Variants in BDP1 observed in about 807,000 individuals in gnomAD.
BDP1 encodes transcription factor TFIIIB component B'' homolog.
BDP1 carries 169 observed loss-of-function variants against 266.6 expected under a neutral mutation model. The observed-to-expected ratio is 0.63, with a 90% CI of 0.56 to 0.72. The LOEUF is 0.72. Ranked by LOEUF, BDP1 falls within the 30% of genes least tolerant of loss-of-function variation. BDP1 has a pLI of 0.00. For missense variants in BDP1, 3,015 were observed against 3,053.8 expected (o/e 0.99, Z 0.30); for synonymous variants, 1,090 against 1,022.4 (o/e 1.07, Z -1.26).
chr5:71,572,267 T>G (rs1744290353), downstream of BDP1, among the ~76,000 whole-genome samples: 1 of 152,156 alleles, frequency 6.6e-6, no homozygotes, highest in South Asian at 2.1e-4. Flanking sequence ...CCAAACATAT[T>G]CTTTTGTCTC....
chr5:71,472,888 CTTTTTTTTTTT>C lies in BDP1; in HGVS notation c.1014+2412_1014+2422del, dbSNP rs57109617. Among the ~76,000 whole-genome samples, 5 of 53,940 alleles carry C rather than the reference CTTTTTTTTTTT, an allele frequency of 9.3e-5. No homozygotes were observed. The East Asian group carries it at 2.5e-3, about 27-fold the overall frequency. The allele number at this position is 53,940 out of a possible 152,430, so 35.4% of individuals were successfully genotyped here. A position where few individuals can be genotyped will look rare whatever the true frequency, so the allele number is the denominator to read the frequency against. On this transcript the variant is annotated intron_variant, in intron 7 of 38. Coordinates refer to ENST00000358731, the MANE Select transcript of BDP1 (RefSeq NM_018429.3). ...GATAATTTGTATTTTCTCTCTCTCT[CTTTTTTTTTTT>C]TTTTTTTTTTTTGGAGACAGGGTCT...
rs1036891302 is a variant in BDP1, at chr5:71,461,865, G to A, written c.538G>A (p.Asp180Asn). Residue 180 changes from aspartate (D) to asparagine (N), a missense_variant, in exon 3 of 39, where the codon GAT becomes AAT. Physicochemically the swap from Asp to Asn is conservative, Grantham distance 23. Transcript: ENST00000358731. ...YAINESQRPP[D>N]RSKMTMRDFI... ...TATAAATGAAAGTCAGAGGCCACCA[G>A]ATCGTTCAAAAATGACTATGAGAGA... 2.5e-6 allele frequency: 4 copies of A among 1,607,192 alleles called. No individual in the cohort carries two copies. In the African/African-American group the frequency reaches 5.4e-5, roughly 22 times the overall value.
chr5:71,537,288 A>G (rs918145858), intron 26 of BDP1, among the ~76,000 whole-genome samples: 1 of 152,166 alleles, frequency 6.6e-6, no homozygotes, highest in Non-Finnish European at 1.5e-5. Context: ...GATACCCAAG[A>G]CAGTCAAAGC....
At position 71,502,689 on chromosome 5, in the gene BDP1, A is replaced by G; in HGVS notation, c.2139A>G (p.Pro713=). 1.2e-6 allele frequency: 2 copies of G among 1,614,122 alleles called. No homozygotes were observed. Among genetic ancestry groups the G allele is most frequent in the Admixed American group, 1.7e-5 (1 of 60,010 alleles). ...GGGGCCGATTGCAAAAGCCAAAGCC[A>G]AATGCAGGTAAAGCTGCTGAAAGAA... is the stretch of plus-strand genomic sequence containing the variant. ...QVRGRLQKPK[P]NAGKAAERKE... The change falls in exon 15 of 39, where the codon CCA becomes CCG. Residue 713 remains proline, a synonymous_variant. Transcript: ENST00000358731.
intron 25 of BDP1, among the ~76,000 whole-genome samples, chr5:71,531,629 C>T (rs758932595): frequency 1.6e-4 from 24 of 152,306 alleles, no homozygotes; most frequent in Non-Finnish European, 2.6e-4. Flanking sequence ...CTGCCTCAGC[C>T]TCCCCAGTAG....
At chr5:71,522,623 A>G in intron 23 of BDP1, 133 bp downstream of exon 23, 1 of 1,168,552 alleles carries the variant, frequency 8.6e-7, no homozygotes, top group South Asian at 1.6e-5. Context: ...GTGACTTTCT[A>G]GTGTTGTAAA....
chr5:71,458,905 A>G, intron 2 of BDP1, 50 bp downstream of exon 2: 1 of 1,537,914 alleles, frequency 6.5e-7, no homozygotes, highest in African/African-American at 1.4e-5. Context: ...TTATGTTAGT[A>G]AGGAATCATT....
chr5:71,543,399 C>T (rs994777447), intron 30 of BDP1, among the ~76,000 whole-genome samples: 11 of 152,158 alleles, frequency 7.2e-5, no homozygotes, highest in Non-Finnish European at 8.8e-5. Flanking sequence ...AGTTTTGAGA[C>T]CAGCTTGGGC....
chr5:71,578,216 T>C, the BDP1 span, among the ~76,000 whole-genome samples: 83 of 152,288 alleles, frequency 5.5e-4, 1 homozygote, highest in African/African-American at 1.6e-3. Flanking sequence ...CTAATAAATA[T>C]GGAGGGCTGT....
rs759125992 is a variant in BDP1 at position 71,524,328 on chromosome 5, G to A, written c.5772+5G>A. 7.0e-6 allele frequency: 11 copies of A among 1,565,100 alleles called. No individual in the cohort carries two copies. Among genetic ancestry groups the A allele is most frequent in the East Asian group, 4.5e-5 (2 of 44,060 alleles). ...ATTGAGGAAACAATGGAAGAGGTTC[G>A]GTTTTTTTTTAAAACCTTGGTACTT... On this transcript the variant is annotated splice_donor_5th_base_variant and intron_variant, in intron 25 of 38. Coordinates refer to ENST00000358731, the MANE Select transcript of BDP1 (RefSeq NM_018429.3).
At chr5:71,493,891 T>A (rs1393220228) in intron 11 of BDP1, among the ~76,000 whole-genome samples, 1 of 152,222 alleles carries the variant, frequency 6.6e-6, no homozygotes, top group Admixed American at 6.5e-5. Context: ...TTGAAAAACA[T>A]AATATTTGAT....
In BDP1 at chr5:71,565,635, A is replaced by G. The variant is rs1743983526; in HGVS notation, c.*750A>G. 6.5e-6 allele frequency: 1 copy of G among 152,914 alleles called. No individual in the cohort carries two copies. The highest frequency in any genetic ancestry group is 1.5e-5 in the Non-Finnish European group (1 of 68,558). 9.5% of individuals were successfully genotyped at this position (152,914 alleles called of 1,614,324 possible). On this transcript the variant is annotated 3_prime_UTR_variant, in exon 39 of 39. Transcript: ENST00000358731. ...TGTACGGTGTGTAGCAGCCTGTACCATCTCAGTGTTTGTAAGTACACTCTG... is the reference window on the plus strand; with the variant it reads ...TGTACGGTGTGTAGCAGCCTGTACCGTCTCAGTGTTTGTAAGTACACTCTG...
intron 21 of BDP1, 82 bp from the exon 22 acceptor site, chr5:71,517,240 C>A: frequency 8.5e-7 from 1 of 1,179,590 alleles, no homozygotes; most frequent in South Asian, 1.5e-5. Flanking sequence ...TTTTAAAAAA[C>A]TAAATATCTT....
chr5:71,462,253 G>A (rs1333820848), intron 3 of BDP1, among the ~76,000 whole-genome samples: 1 of 152,098 alleles, frequency 6.6e-6, no homozygotes, highest in African/African-American at 2.4e-5. Flanking sequence ...GTGAGCCACT[G>A]CACCTGGCCT....
In BDP1 at chr5:71,544,383, A is replaced by C; in HGVS notation, c.6439A>C (p.Thr2147Pro). The C allele has an allele frequency of 6.2e-7, 1 of 1,609,690 alleles. No homozygotes were observed. Among genetic ancestry groups the C allele is most frequent in the Non-Finnish European group, 8.5e-7 (1 of 1,179,026 alleles). The change falls in exon 31 of 39, where the codon ACA (threonine) becomes CCA (proline). Residue 2147 changes from threonine (T) to proline (P), a missense_variant. By Grantham distance (38) the Thr-to-Pro change is conservative. Around this residue, in one of 3 missense-constraint regions of BDP1, gnomAD observed 629 missense variants for 632.5 expected, o/e 0.99. Coordinates refer to ENST00000358731, the MANE Select transcript of BDP1 (RefSeq NM_018429.3). Reference sequence around the variant, plus strand: ...AACAGAGAAAAATGCTTCCAAAGCAACAGAATTGGAAAATAAAAACCTCGG... The same window carrying C: ...AACAGAGAAAAATGCTTCCAAAGCACCAGAATTGGAAAATAAAAACCTCGG... Reference protein sequence around the residue: ...RETEKNASKATELENKNLGPV... With the variant: ...RETEKNASKAPELENKNLGPV...
intron 36 of BDP1, among the ~76,000 whole-genome samples, chr5:71,559,469 G>GT (rs1561792067): frequency 6.6e-6 from 1 of 152,130 alleles, no homozygotes; most frequent in Non-Finnish European, 1.5e-5. Context: ...GGGAAAACAG[G>GT]TTTTTTATTG....
intron 25 of BDP1, among the ~76,000 whole-genome samples, chr5:71,525,458 C>A (rs1337755463): frequency 7.2e-6 from 1 of 139,516 alleles, no homozygotes; most frequent in African/African-American, 2.7e-5. Context: ...CCCCCACCTC[C>A]CTCCCGGACG....
intron 7 of BDP1, among the ~76,000 whole-genome samples, chr5:71,479,658 T>C (rs1762817212): frequency 6.6e-6 from 1 of 151,848 alleles, no homozygotes; most frequent in South Asian, 2.1e-4. Flanking sequence ...GCCATTCTCC[T>C]GCCTCAGCCT....
intron 6 of BDP1, 48 bp from the exon 7 acceptor site, chr5:71,470,347 T>C: frequency 7.6e-7 from 1 of 1,315,250 alleles, no homozygotes. Flanking sequence ...TTCTCTGAAA[T>C]ATTGATATAA....
Sources: allele counts gnomAD v4.1 joint callset (sites outside exome capture counted in the v4.1 genomes callset), GRCh38; gene constraint gnomAD v4.1.1; regional missense constraint gnomAD v4.1.1; transcripts MANE v1.5; gene names NCBI Gene and HGNC (gene_info 2026-07-23, HGNC 2026-07-21).